SPIDR: variants seen among roughly 807,000 people sequenced by gnomAD.
The protein encoded by SPIDR is scaffold protein involved in DNA repair.
In SPIDR, 93 loss-of-function variants were observed where a neutral mutation model predicts 104.6. That is an observed-to-expected ratio of 0.89 (90% CI 0.75 to 1.06). SPIDR has a LOEUF of 1.06. Ranked by LOEUF, SPIDR falls within the 50% of genes least tolerant of loss-of-function variation. The pLI is 0.00. For missense variants in SPIDR, 1,154 were observed against 1,111.2 expected, an observed-to-expected ratio of 1.04 and a Z score of -0.55; for synonymous variants, 431 against 416.9, an observed-to-expected ratio of 1.03 and a Z score of -0.41.
chr8:47,732,340 C>T (rs1300480847), intron 19 of SPIDR: 1 of 637,390 alleles, frequency 1.6e-6, no homozygotes, highest in African/African-American at 1.8e-5. Flanking sequence ...CACCTTTGCC[C>T]ATGCCCGTGT....
At chr8:47,381,277 C>T (rs552092566) in intron 5 of SPIDR, among the ~76,000 whole-genome samples, 33 of 152,262 alleles carry the variant, frequency 2.2e-4, no homozygotes, top group Admixed American at 1.5e-3. Flanking sequence ...AGAGTGGAAA[C>T]GCAGGCATAT....
chr8:47,296,950 G>T (rs1306082794), intron 5 of SPIDR, among the ~76,000 whole-genome samples: 2 of 151,924 alleles, frequency 1.3e-5, no homozygotes, highest in African/African-American at 2.4e-5. Flanking sequence ...TACATCTATT[G>T]CCTCCTTAAA....
intron 8 of SPIDR, among the ~76,000 whole-genome samples, chr8:47,458,651 C>CT (rs2073425814): frequency 6.6e-6 from 1 of 151,912 alleles, no homozygotes; most frequent in Non-Finnish European, 1.5e-5. Flanking sequence ...TCTGATGGCT[C>CT]TGGCTAGGAC....
In SPIDR at chr8:47,554,141, TG is replaced by T. The variant is rs140722171; in HGVS notation, c.1098-41669del. Among the ~76,000 whole-genome samples the T allele has an allele frequency of 9.8e-3, 1,490 of 152,288 alleles. 28 individuals carry two copies. Among genetic ancestry groups the T allele is most frequent in the African/African-American group, 0.033 (1,379 of 41,560 alleles). ...CGTCTCAGTGGGGCACCTGGCTATATGAGGTTTCAGTCTGCCCCTACTGGGA... is the reference window on the plus strand; with the variant it reads ...CGTCTCAGTGGGGCACCTGGCTATATAGGTTTCAGTCTGCCCCTACTGGGA... On this transcript the variant is annotated intron_variant, in intron 8 of 19. Transcript: ENST00000297423.
intron 11 of SPIDR, among the ~76,000 whole-genome samples, chr8:47,678,502 A>G (rs1249155037): frequency 6.6e-6 from 1 of 152,202 alleles, no homozygotes; most frequent in Non-Finnish European, 1.5e-5. Flanking sequence ...TCAGAGCAGC[A>G]TGGAAGCCAA....
chr8:47,356,044 G>C (rs1176648991), intron 5 of SPIDR, among the ~76,000 whole-genome samples: 1 of 152,138 alleles, frequency 6.6e-6, no homozygotes, highest in East Asian at 1.9e-4. Context: ...GGATCATCAT[G>C]AATGAGTGAG....
At chr8:47,386,972 T>G (rs2060024123) in intron 5 of SPIDR, among the ~76,000 whole-genome samples, 1 of 151,708 alleles carries the variant, frequency 6.6e-6, no homozygotes. Flanking sequence ...TAGATACAGA[T>G]ATAGATTGAA....
At chr8:47,575,299 T>C (rs534490733) in intron 8 of SPIDR, among the ~76,000 whole-genome samples, 2 of 152,338 alleles carry the variant, frequency 1.3e-5, no homozygotes, top group South Asian at 4.1e-4. Flanking sequence ...TGGAAATTTA[T>C]ACATTTCTGA....
chr8:47,664,778 G>T (rs2074667746), intron 10 of SPIDR, among the ~76,000 whole-genome samples: 1 of 150,348 alleles, frequency 6.7e-6, no homozygotes, highest in African/African-American at 2.4e-5. Flanking sequence ...TTAGCCAGGT[G>T]TGGTGGACTT....
chr8:47,712,475 G>C (rs1166024943), intron 14 of SPIDR, among the ~76,000 whole-genome samples, 187 bp from the exon 15 acceptor site: 1 of 152,188 alleles, frequency 6.6e-6, no homozygotes, highest in African/African-American at 2.4e-5. Context: ...CCTTTAACCA[G>C]GTGCAAAGTC....
At chr8:47,654,682 C>G (rs1177026393) in intron 10 of SPIDR, among the ~76,000 whole-genome samples, 7 of 152,162 alleles carry the variant, frequency 4.6e-5, no homozygotes, top group Non-Finnish European at 1.0e-4. Context: ...AAGACCTACA[C>G]TCATATAAGA....
At chr8:47,299,742 A>T (rs7388525) in intron 5 of SPIDR, among the ~76,000 whole-genome samples, 2 of 152,092 alleles carry the variant, frequency 1.3e-5, no homozygotes, top group South Asian at 2.1e-4. Context: ...TGTTTATATG[A>T]TGGATTACAT....
chr8:47,346,709 A>G (rs1259574210), intron 5 of SPIDR, among the ~76,000 whole-genome samples: 1 of 152,134 alleles, frequency 6.6e-6, no homozygotes, highest in African/African-American at 2.4e-5. Context: ...GTTTGCAGGA[A>G]TTTACCCATT....
chr8:47,274,578 A>C, intron 1 of SPIDR, among the ~76,000 whole-genome samples: 1 of 145,008 alleles, frequency 6.9e-6, no homozygotes, highest in Middle Eastern at 3.2e-3. Context: ...TTTCCTCAGA[A>C]TTTTTTTTTT....
intron 2 of SPIDR, among the ~76,000 whole-genome samples, chr8:47,280,998 G>C (rs2037669638): frequency 6.6e-6 from 1 of 152,186 alleles, no homozygotes; most frequent in African/African-American, 2.4e-5. Context: ...AGATATTGCA[G>C]GTTTGGTTCA....
chr8:47,372,713 T>C (rs1269878399), intron 5 of SPIDR, among the ~76,000 whole-genome samples: 1 of 152,196 alleles, frequency 6.6e-6, no homozygotes, highest in Admixed American at 6.5e-5. Context: ...ATAGGTATTA[T>C]TCTTTTACAA....
chr8:47,509,127 C>G (rs2081943627), intron 8 of SPIDR, among the ~76,000 whole-genome samples: 1 of 152,160 alleles, frequency 6.6e-6, no homozygotes, highest in Non-Finnish European at 1.5e-5. Context: ...TCTGGCCCTA[C>G]AGACCCTCTC....
At chr8:47,279,068 T>G (rs2037189347) in intron 1 of SPIDR, among the ~76,000 whole-genome samples, 1 of 151,846 alleles carries the variant, frequency 6.6e-6, no homozygotes, top group East Asian at 1.9e-4. Flanking sequence ...AAAGTTTTTT[T>G]TTTTTTTTTA....
intron 5 of SPIDR, among the ~76,000 whole-genome samples, chr8:47,336,146 T>C (rs1016673588): frequency 2.6e-5 from 4 of 152,206 alleles, no homozygotes; most frequent in Admixed American, 6.5e-5. Flanking sequence ...CTCTTCCCTG[T>C]TTGCTTTTCG....
Sources: allele counts gnomAD v4.1 joint callset (sites outside exome capture counted in the v4.1 genomes callset), GRCh38; gene constraint gnomAD v4.1.1; transcripts MANE v1.5; gene names NCBI Gene and HGNC (gene_info 2026-07-23, HGNC 2026-07-21).